The following PCARE variants were observed in gnomAD, a reference collection of about 807,000 sequenced individuals.
PCARE encodes uncharacterized protein C2orf71.
A neutral mutation model predicts 82.2 loss-of-function variants in PCARE; 72 were observed. The observed-to-expected ratio is 0.88, with a 90% CI of 0.72 to 1.07. The LOEUF (loss-of-function observed/expected upper bound fraction) is 1.07. Among genes scored for constraint, PCARE ranks in the 50% least tolerant of loss-of-function variants. PCARE has a pLI of 0.00. For synonymous variants in PCARE, 705 were observed against 634.8 expected, an observed-to-expected ratio of 1.11 and a Z score of -1.66; for missense variants, 1,768 against 1,592.4, an observed-to-expected ratio of 1.11 and a Z score of -1.88.
chr2:29,073,024 A>G lies in PCARE; in HGVS notation c.1238T>C (p.Leu413Pro). The G allele has an allele frequency of 1.2e-6, 2 of 1,614,132 alleles. No individual in the cohort carries two copies. Among genetic ancestry groups the G allele is most frequent in the Non-Finnish European group, 1.7e-6 (2 of 1,180,014 alleles). ...CTTTGCCATAGGAGCCCCTGAGAGC[A>G]GGCAGTCCTGGGGTCTGCCTGAGCC... Reference protein sequence around the residue: ...CLGSGRPQDCLLSGAPMAKVQ... With the variant: ...CLGSGRPQDCPLSGAPMAKVQ... The change falls in exon 1 of 2, where the codon CTG (leucine) becomes CCG (proline). Residue 413 changes from leucine (L) to proline (P), a missense_variant. Transcript: ENST00000331664.
intron 1 of PCARE, among the ~76,000 whole-genome samples, chr2:29,069,982 C>T (rs947608113): frequency 2.0e-5 from 3 of 152,280 alleles, no homozygotes; most frequent in Admixed American, 6.5e-5. Context: ...GTTTGAGACA[C>T]GGCACCAGTG....
Position 29,070,762 on chromosome 2 carries a change from G to A in PCARE, c.3500C>T (p.Ser1167Leu). 6.2e-7 allele frequency: 1 copy of A among 1,614,164 alleles called. No individual in the cohort carries two copies. Among genetic ancestry groups the A allele is most frequent in the South Asian group, 1.1e-5 (1 of 91,084 alleles). The change falls in exon 1 of 2, where the codon TCA (serine) becomes TTA (leucine). Residue 1167 changes from serine to leucine, a missense_variant. Transcript: ENST00000331664. ...GNPAECWKNSSGPWLRADSQR... is the reference protein window; with the variant it reads ...GNPAECWKNSLGPWLRADSQR... Reference sequence around the variant, plus strand: ...CGAGTCTGCTCTCAGCCAAGGCCCTGAGCTGTTCTTCCAGCATTCTGCTGG... The same window carrying A: ...CGAGTCTGCTCTCAGCCAAGGCCCTAAGCTGTTCTTCCAGCATTCTGCTGG...
Position 29,071,245 on chromosome 2 carries a change from T to C in PCARE, c.3017A>G (p.Asp1006Gly), listed in dbSNP as rs1356291954. Reference protein sequence around the residue: ...PTRTHWVPQADKRRRSLPSSY... With the variant: ...PTRTHWVPQAGKRRRSLPSSY... ...GGAGGGAAGGCTCCGGCGCCTCTTG[T>C]CTGCTTGAGGCACCCAGTGTGTCCT... The change falls in exon 1 of 2, where the codon GAC (aspartate) becomes GGC (glycine). Residue 1006 changes from aspartate to glycine, a missense_variant. Asp to Gly is a moderately conservative substitution (Grantham distance 94). Coordinates refer to ENST00000331664, the MANE Select transcript of PCARE (RefSeq NM_001029883.3). The C allele has an allele frequency of 6.2e-7, 1 of 1,612,760 alleles. No homozygotes were observed. Among genetic ancestry groups the C allele is most frequent in the East Asian group, 2.2e-5 (1 of 44,840 alleles).
rs1667478789 is a variant in PCARE, at chr2:29,071,369, G to A, written c.2893C>T (p.Pro965Ser). The change falls in exon 1 of 2, where the codon CCT (proline) becomes TCT (serine). Residue 965 changes from proline to serine, a missense_variant. Physicochemically the swap from Pro to Ser is moderately conservative, Grantham distance 74. Transcript: ENST00000331664. Reference protein sequence around the residue: ...RKAIAWHHSGPPSGQNRTSES... With the variant: ...RKAIAWHHSGSPSGQNRTSES... ...GAGGTCCTGTTTTGTCCAGATGGAGGGCCGGAGTGGTGCCAGGCGATGGCC... is the reference window on the plus strand; with the variant it reads ...GAGGTCCTGTTTTGTCCAGATGGAGAGCCGGAGTGGTGCCAGGCGATGGCC... The A allele has an allele frequency of 2.5e-6, 4 of 1,613,732 alleles. No individual in the cohort carries two copies. The highest frequency in any genetic ancestry group is 1.3e-5 in the African/African-American group (1 of 75,064).
In PCARE at chr2:29,072,469, G is replaced by A. The variant is rs951378635; in HGVS notation, c.1793C>T (p.Ser598Leu). 3.1e-6 allele frequency: 5 copies of A among 1,614,056 alleles called. No homozygotes were observed. The African/African-American group carries it at 4.0e-5, about 13-fold the overall frequency. ...PERQTRSQSE[S>L]CLQSHVEDPT... Reference sequence around the variant, plus strand: ...GTCCTCCACGTGACTCTGGAGACACGACTCTGACTGGGACCTCGTCTGCCT... The same window carrying A: ...GTCCTCCACGTGACTCTGGAGACACAACTCTGACTGGGACCTCGTCTGCCT... The change falls in exon 1 of 2, where the codon TCG becomes TTG. Residue 598 changes from serine to leucine, a missense_variant. Transcript: ENST00000331664.
At position 29,073,846 on chromosome 2, in the gene PCARE, G is replaced by A. The variant is rs1667540948; in HGVS notation, c.416C>T (p.Thr139Ile). The A allele has an allele frequency of 3.1e-6, 5 of 1,614,216 alleles. No individual in the cohort carries two copies. Among genetic ancestry groups the A allele is most frequent in the Non-Finnish European group, 4.2e-6 (5 of 1,180,038 alleles). ...FSGDESEESS[T>I]QDTSKWKRTA... Reference sequence around the variant, plus strand: ...CCTTTTCCATTTGGAAGTATCTTGGGTACTACTTTCCTCACTCTCATCTCC... The same window carrying A: ...CCTTTTCCATTTGGAAGTATCTTGGATACTACTTTCCTCACTCTCATCTCC... Residue 139 changes from threonine (T) to isoleucine (I), a missense_variant, in exon 1 of 2, where the codon ACC (threonine) becomes ATC (isoleucine). By Grantham distance (89) the Thr-to-Ile change is moderately conservative. Transcript: ENST00000331664.
chr2:29,072,682 G>T lies in PCARE; in HGVS notation c.1580C>A (p.Ala527Asp). ...GAGGCTCCTAAGCCTCCTGGTGCGG[G>T]CCTGAAATGGGCTTTCCCGGTCAGC... Reference protein sequence around the residue: ...SPADRESPFQARTRRLRSLQA... With the variant: ...SPADRESPFQDRTRRLRSLQA... Residue 527 changes from alanine (A) to aspartate (D), a missense_variant, in exon 1 of 2, where the codon GCC becomes GAC. Coordinates refer to ENST00000331664, the MANE Select transcript of PCARE (RefSeq NM_001029883.3). The T allele has an allele frequency of 6.2e-7, 1 of 1,614,034 alleles. No individual in the cohort carries two copies. The highest frequency in any genetic ancestry group is 8.5e-7 in the Non-Finnish European group (1 of 1,180,026).
Position 29,071,011 on chromosome 2 carries a change from A to T in PCARE, c.3251T>A (p.Phe1084Tyr), listed in dbSNP as rs1223729421. ...PTQHPEASPP[F>Y]SIPSPSPPMS... ...TGGGGGTGATGGGGAGGGAATCGAG[A>T]AAGGGGGGCTTGCTTCTGGGTGCTG... Residue 1084 changes from phenylalanine (F) to tyrosine (Y), a missense_variant, in exon 1 of 2, where the codon TTC becomes TAC. By Grantham distance (22) the Phe-to-Tyr change is conservative (BLOSUM62 3). Transcript: ENST00000331664. 8.1e-6 allele frequency: 11 copies of T among 1,364,934 alleles called. No individual in the cohort carries two copies. In the South Asian group the frequency reaches 9.1e-5, roughly 11 times the overall value. 84.6% of individuals were successfully genotyped at this position (1,364,934 alleles called of 1,614,324 possible).
intron 1 of PCARE, among the ~76,000 whole-genome samples, chr2:29,069,558 G>T (rs1014876031): frequency 2.0e-5 from 3 of 152,154 alleles, no homozygotes; most frequent in Non-Finnish European, 1.5e-5. Context: ...GGAGGAGGGA[G>T]AGAGCAGAAA....
Position 29,071,186 on chromosome 2 carries a change from C to T in PCARE, c.3076G>A (p.Val1026Met), listed in dbSNP as rs775241996. Residue 1026 changes from valine (V) to methionine (M), a missense_variant, in exon 1 of 2, where the codon GTG becomes ATG. Coordinates refer to ENST00000331664, the MANE Select transcript of PCARE (RefSeq NM_001029883.3). ...YRPAQPSPSAVQTPPSPPVSP... is the reference protein window; with the variant it reads ...YRPAQPSPSAMQTPPSPPVSP... ...ACAGGTGGGCTGGGGGGCGTCTGCACAGCAGAGGGGCTTGGCTGGGCAGGT... is the reference window on the plus strand; with the variant it reads ...ACAGGTGGGCTGGGGGGCGTCTGCATAGCAGAGGGGCTTGGCTGGGCAGGT... 2.5e-6 allele frequency: 4 copies of T among 1,594,458 alleles called. No individual in the cohort carries two copies. In the South Asian group the frequency reaches 4.6e-5, roughly 18 times the overall value.
chr2:29,066,516 T>G (rs1227536388), intron 1 of PCARE, among the ~76,000 whole-genome samples: 1 of 152,234 alleles, frequency 6.6e-6, no homozygotes. Context: ...TATTGCACAA[T>G]GTGCTCAGCT....
intron 1 of PCARE, among the ~76,000 whole-genome samples, chr2:29,069,482 G>C (rs1017174846): frequency 1.3e-5 from 2 of 152,196 alleles, no homozygotes; most frequent in Admixed American, 1.3e-4. Flanking sequence ...GGAGCTAAAT[G>C]ATGAGAACTC....
chr2:29,071,633 A>G lies in PCARE; in HGVS notation c.2629T>C (p.Trp877Arg). ...GAGGCCCTCAGCTTTGGGGAAGCCC[A>G]TGTTCTCCTGGTGGGGCCAGCCTCT... ...PGEAGPTRRTWASPKLRASVS... is the reference protein window; with the variant it reads ...PGEAGPTRRTRASPKLRASVS... Residue 877 changes from tryptophan to arginine, a missense_variant, in exon 1 of 2, where the codon TGG (tryptophan) becomes CGG (arginine). Trp to Arg is a moderately radical substitution (Grantham distance 101). Transcript: ENST00000331664. 6.2e-7 allele frequency: 1 copy of G among 1,613,700 alleles called. No homozygotes were observed. Among genetic ancestry groups the G allele is most frequent in the Non-Finnish European group, 8.5e-7 (1 of 1,179,852 alleles).
rs751885618 is a variant in PCARE at position 29,072,835 on chromosome 2, A to G, written c.1427T>C (p.Met476Thr). 1.9e-6 allele frequency: 3 copies of G among 1,614,084 alleles called. No individual in the cohort carries two copies. Among genetic ancestry groups the G allele is most frequent in the African/African-American group, 1.3e-5 (1 of 75,000 alleles). Residue 476 changes from methionine to threonine, a missense_variant, in exon 1 of 2, where the codon ATG becomes ACG. Coordinates refer to ENST00000331664, the MANE Select transcript of PCARE (RefSeq NM_001029883.3). The part of the protein sequence containing the change: ...EPHLSKTSRP[M>T]DASSLSDSED... The stretch of plus-strand genomic sequence containing the variant: ...GCTGTCACTAAGAGATGAAGCGTCC[A>G]TCGGCCTGGAGGTTTTGGAAAGGTG...
chr2:29,070,599 C>T lies in PCARE; in HGVS notation c.3663G>A (p.Gln1221=). Residue 1221 remains glutamine (Q), a synonymous_variant, in exon 1 of 2, where the codon CAG becomes CAA. Coordinates refer to ENST00000331664, the MANE Select transcript of PCARE (RefSeq NM_001029883.3). ...GACCCCAGGACACTCCTTACCTGTT[C>T]TGGCCGAGCTGGGATTCATAAGAGG... ...TSTSYESQLG[Q]NSSSEESPKK... The T allele has an allele frequency of 1.2e-6, 2 of 1,613,970 alleles. No homozygotes were observed. Among genetic ancestry groups the T allele is most frequent in the Non-Finnish European group, 1.7e-6 (2 of 1,179,884 alleles).
Position 29,064,860 on chromosome 2 carries a change from G to A in PCARE, c.*9C>T, listed in dbSNP as rs756077766. ...GTGACTGCGTGAGTGTGGCCCCCTC[G>A]TCAGCCTGTCAGGACACCTCCTCTT... On this transcript the variant is annotated 3_prime_UTR_variant, in exon 2 of 2. Coordinates refer to ENST00000331664, the MANE Select transcript of PCARE (RefSeq NM_001029883.3). The A allele has an allele frequency of 1.6e-5, 26 of 1,610,212 alleles. No homozygotes were observed. In the Middle Eastern group the frequency reaches 9.0e-4, roughly 56 times the overall value.
In PCARE at chr2:29,072,641, T is replaced by A; in HGVS notation, c.1621A>T (p.Ile541Phe). 1 of 1,614,062 alleles carries A rather than the reference T, an allele frequency of 6.2e-7. No individual in the cohort carries two copies. Among genetic ancestry groups the A allele is most frequent in the Non-Finnish European group, 8.5e-7 (1 of 1,180,026 alleles). The change falls in exon 1 of 2, where the codon ATT becomes TTT. Residue 541 changes from isoleucine to phenylalanine, a missense_variant. Ile to Phe is a conservative substitution (Grantham distance 21). Coordinates refer to ENST00000331664, the MANE Select transcript of PCARE (RefSeq NM_001029883.3). Reference protein sequence around the residue: ...RLRSLQAQEMILKMKESISER... With the variant: ...RLRSLQAQEMFLKMKESISER... The stretch of plus-strand genomic sequence containing the variant: ...CTGATTGACTCCTTCATCTTCAGAA[T>A]CATTTCCTGGGCCTGGAGGCTCCTA...
rs528997601 is a variant in PCARE, at chr2:29,062,167, G to T, written c.*2702C>A. ...AACCCCTCCCCATCTTCCCTGGAGT[G>T]GGGGAAGCTGACTTGGAATTCCAGT... On this transcript the variant is annotated 3_prime_UTR_variant, in exon 2 of 2. Coordinates refer to ENST00000331664, the MANE Select transcript of PCARE (RefSeq NM_001029883.3). 2.6e-5 allele frequency: 4 copies of T among 152,228 alleles called. No individual in the cohort carries two copies. Among genetic ancestry groups the T allele is most frequent in the African/African-American group, 7.2e-5 (3 of 41,440 alleles). 9.4% of individuals were successfully genotyped at this position (152,228 alleles called of 1,614,324 possible).
At chr2:29,065,257 G>A (rs936623889) in intron 1 of PCARE, among the ~76,000 whole-genome samples, 190 bp from the exon 2 acceptor site, 3 of 152,184 alleles carry the variant, frequency 2.0e-5, no homozygotes, top group African/African-American at 7.2e-5. Flanking sequence ...CCGTGTGCCT[G>A]CAGGGGTGGG....
Sources: gnomAD v4.1 joint callset for allele counts (sites outside exome capture counted in the v4.1 genomes callset) on GRCh38, gnomAD v4.1.1 for gene constraint, MANE v1.5 for transcripts, NCBI Gene and HGNC (gene_info 2026-07-23, HGNC 2026-07-21) for gene names.